The following DNAH6 variants were observed in gnomAD, a reference collection of about 807,000 sequenced individuals.
DNAH6 encodes dynein axonemal heavy chain 6, also known as axonemal beta dynein heavy chain 6.
In DNAH6, 340 loss-of-function variants were observed where a neutral mutation model predicts 491.4. The ratio of observed to expected loss-of-function variants is 0.69; its 90% CI spans 0.63 to 0.76. DNAH6 has a LOEUF of 0.76. Ranked by LOEUF, DNAH6 falls within the 30% of genes least tolerant of loss-of-function variation. The pLI, the probability that DNAH6 is intolerant of heterozygous loss-of-function variation, is 0.00. For missense variants in DNAH6, 4,443 were observed against 4,972.2 expected, an observed-to-expected ratio of 0.89 and a Z score of 3.20; for synonymous variants, 1,603 against 1,686.1, an observed-to-expected ratio of 0.95 and a Z score of 1.21.
intron 4 of DNAH6, among the ~76,000 whole-genome samples, chr2:84,534,395 C>T (rs1050287806): frequency 2.0e-5 from 3 of 152,072 alleles, no homozygotes; most frequent in South Asian, 2.1e-4. Flanking sequence ...GTGTAGTCCC[C>T]GCTGCCAGAG....
At position 84,584,035 on chromosome 2, in the gene DNAH6, C is replaced by T; in HGVS notation, c.2266C>T (p.Gln756Ter). The change falls in exon 15 of 77, where the codon CAA becomes TAA. Residue 756 changes from glutamine to a stop codon, truncating the protein, a stop_gained. Coordinates refer to ENST00000389394, the MANE Select transcript of DNAH6 (RefSeq NM_001370.2). LOFTEE classifies it high-confidence loss of function. ...SLEDEGNIVT[Q>*]MYKLMEQYQV... ...TGAAGATGAGGGGAATATAGTGACTCAAATGTACAAGCTTATGGAACAATA... is the reference window on the plus strand; with the variant it reads ...TGAAGATGAGGGGAATATAGTGACTTAAATGTACAAGCTTATGGAACAATA... 1.2e-6 allele frequency: 2 copies of T among 1,614,094 alleles called. No homozygotes were observed. The highest frequency in any genetic ancestry group is 2.2e-5 in the South Asian group (2 of 91,066).
chr2:84,499,824 G>C, the DNAH6 span, among the ~76,000 whole-genome samples: 1 of 151,514 alleles, frequency 6.6e-6, no homozygotes, highest in Non-Finnish European at 1.5e-5. Context: ...TTTGACATTT[G>C]TGCATCTTCT....
At chr2:84,492,500 A>T in the DNAH6 span, among the ~76,000 whole-genome samples, 1 of 152,136 alleles carries the variant, frequency 6.6e-6, no homozygotes, top group Non-Finnish European at 1.5e-5. Context: ...TTTTCTCACT[A>T]TTGCTTAGAG....
chr2:84,708,527 G>A (rs1444911963), intron 54 of DNAH6, among the ~76,000 whole-genome samples: 1 of 141,102 alleles, frequency 7.1e-6, no homozygotes, highest in East Asian at 2.1e-4. Context: ...GAAAGAGAAA[G>A]AAAAAGAAAG....
intron 30 of DNAH6, among the ~76,000 whole-genome samples, chr2:84,635,765 A>G (rs1688826262): frequency 6.6e-6 from 1 of 152,170 alleles, no homozygotes; most frequent in African/African-American, 2.4e-5. Flanking sequence ...TAGGTAAACT[A>G]AACCACAGAA....
intron 67 of DNAH6, 31 bp downstream of exon 67, chr2:84,785,787 A>G (rs756156753): frequency 5.4e-5 from 80 of 1,474,254 alleles, no homozygotes; most frequent in Non-Finnish European, 6.4e-5. Context: ...CAATAGCAAC[A>G]AGGAAGTGTA....
intron 12 of DNAH6, 36 bp from the exon 13 acceptor site, chr2:84,577,221 G>T: frequency 7.6e-7 from 1 of 1,322,188 alleles, no homozygotes; most frequent in Non-Finnish European, 1.0e-6. Context: ...ATCCAATATG[G>T]TATATTTTAT....
Position 84,694,321 on chromosome 2 carries a change from A to C in DNAH6, c.7365A>C (p.Ser2455=). The C allele has an allele frequency of 6.4e-7, 1 of 1,552,338 alleles. No individual in the cohort carries two copies. ...LVGVGGTGKQ[S]LTRLAAHICG... is the part of the protein sequence containing the mutation. ...GAGTAGGAGGCACAGGAAAGCAGTCACTCACGAGACTTGCAGCTCATATAT... is the reference window on the plus strand; with the variant it reads ...GAGTAGGAGGCACAGGAAAGCAGTCCCTCACGAGACTTGCAGCTCATATAT... The change falls in exon 46 of 77, where the codon TCA becomes TCC. Residue 2455 remains serine, a synonymous_variant. Transcript: ENST00000389394.
intron 29 of DNAH6, among the ~76,000 whole-genome samples, chr2:84,633,838 C>T (rs1167127057): frequency 1.3e-5 from 2 of 151,852 alleles, no homozygotes; most frequent in Non-Finnish European, 2.9e-5. Context: ...TTGTGGGAAT[C>T]GGAGGAAGGG....
In DNAH6 at chr2:84,782,158, A is replaced by C. The variant is rs541653191; in HGVS notation, c.10864+505A>C. Among the ~76,000 whole-genome samples the C allele has an allele frequency of 3.9e-5, 6 of 152,328 alleles. No homozygotes were observed. In the South Asian group the frequency reaches 1.2e-3, roughly 32 times the overall value. ...AGCATTACTCATAGTTGCTAGCACT[A>C]GTTTTATCTCACCACTTTTTTGCCT... is the stretch of plus-strand genomic sequence containing the variant. On this transcript the variant is annotated intron_variant, in intron 65 of 76. Transcript: ENST00000389394.
intron 11 of DNAH6, among the ~76,000 whole-genome samples, chr2:84,568,776 A>AC (rs911442966): frequency 9.2e-5 from 14 of 152,334 alleles, no homozygotes; most frequent in African/African-American, 3.4e-4. Context: ...TAAAACATTC[A>AC]CCAAACATAG....
At chr2:84,570,835 C>T (rs1681750641) in intron 11 of DNAH6, among the ~76,000 whole-genome samples, 1 of 152,204 alleles carries the variant, frequency 6.6e-6, no homozygotes, top group Non-Finnish European at 1.5e-5. Flanking sequence ...AATGTTGCTG[C>T]TGCTCACTCT....
intron 5 of DNAH6, among the ~76,000 whole-genome samples, chr2:84,546,410 CTA>C: frequency 6.6e-6 from 1 of 152,198 alleles, no homozygotes; most frequent in East Asian, 1.9e-4. Context: ...CCCAAAAAGT[CTA>C]TTCATCTTTA....
chr2:84,788,713 T>C (rs1677459515), intron 68 of DNAH6, among the ~76,000 whole-genome samples: 1 of 152,210 alleles, frequency 6.6e-6, no homozygotes, highest in Non-Finnish European at 1.5e-5. Context: ...TTTATTTTTA[T>C]GTGGCACCCA....
At chr2:84,793,300 T>C (rs1411295760) in intron 68 of DNAH6, among the ~76,000 whole-genome samples, 1 of 152,198 alleles carries the variant, frequency 6.6e-6, no homozygotes, top group East Asian at 1.9e-4. Flanking sequence ...AAGTGAGCTG[T>C]GAGTCATCTA....
chr2:84,464,867 T>C, the DNAH6 span, among the ~76,000 whole-genome samples: 1 of 152,156 alleles, frequency 6.6e-6, no homozygotes, highest in African/African-American at 2.4e-5. Context: ...TTAGAATGCC[T>C]TAAGTGTCTG....
At chr2:84,692,927 A>G (rs1452055877) in intron 45 of DNAH6, among the ~76,000 whole-genome samples, 2 of 152,250 alleles carry the variant, frequency 1.3e-5, no homozygotes, top group African/African-American at 4.8e-5. Flanking sequence ...CTTCTGCATT[A>G]GATAATCATA....
chr2:84,562,651 A>T (rs186289457), intron 11 of DNAH6, among the ~76,000 whole-genome samples: 18 of 152,294 alleles, frequency 1.2e-4, no homozygotes, highest in Admixed American at 2.0e-4. Context: ...AAATTAACGA[A>T]GGGAAAAGGC....
rs1368357903 is a variant in DNAH6 at position 84,787,081 on chromosome 2, A to C, written c.11101-83A>C. The C allele has an allele frequency of 3.6e-6, 4 of 1,106,882 alleles. No individual in the cohort carries two copies. The Admixed American group carries it at 9.2e-5, about 25-fold the overall frequency. 68.6% of individuals were successfully genotyped at this position (1,106,882 alleles called of 1,614,324 possible). ...GTGTGGGGATGCCCATTTTCAATGG[A>C]AATTTCTTTTTAGTTTCCAGTATTT... On this transcript the variant is annotated intron_variant, in intron 67 of 76. Transcript: ENST00000389394.
Sources: gnomAD v4.1 joint callset for allele counts (sites outside exome capture counted in the v4.1 genomes callset) on GRCh38, gnomAD v4.1.1 for gene constraint, MANE v1.5 for transcripts, NCBI Gene and HGNC (gene_info 2026-07-23, HGNC 2026-07-21) for gene names.